PSMA6: variants seen among roughly 807,000 people sequenced by gnomAD.
PSMA6 encodes the protein proteasome subunit alpha type-6.
For missense variants in PSMA6, 170 were observed against 294.8 expected, an observed-to-expected ratio of 0.58 and a Z score of 3.10; for synonymous variants, 88 against 97.7, an observed-to-expected ratio of 0.90 and a Z score of 0.59.
At chr14:35,300,573 A>G (rs2051692529) in intron 1 of PSMA6, among the ~76,000 whole-genome samples, 1 of 152,156 alleles carries the variant, frequency 6.6e-6, no homozygotes, top group Admixed American at 6.5e-5. Context: ...AATTAAGGTA[A>G]TAAGAGAGAA....
rs774283020 is a variant in PSMA6 at position 35,278,669 on chromosome 14, C to T, written c.-31C>T. 23 of 1,534,950 alleles carry T rather than the reference C, an allele frequency of 1.5e-5. No individual in the cohort carries two copies. In the South Asian group the frequency reaches 2.0e-4, roughly 14 times the overall value. On this transcript the variant is annotated 5_prime_UTR_variant, in exon 1 of 7. Transcript: ENST00000540871. The stretch of plus-strand genomic sequence containing the variant: ...CTGGGAGAATGGGATGGAGCCTCCA[C>T]CTCATGAAGTAGCTTCCTTTGGAGG...
chr14:35,301,791 T>C (rs1464359773), intron 1 of PSMA6, among the ~76,000 whole-genome samples: 1 of 152,214 alleles, frequency 6.6e-6, no homozygotes, highest in Non-Finnish European at 1.5e-5. Flanking sequence ...GGGAAGATAC[T>C]CTTTTGTGGC....
chr14:35,282,391 C>T (rs1261031771), intron 1 of PSMA6, among the ~76,000 whole-genome samples: 2 of 151,582 alleles, frequency 1.3e-5, no homozygotes, highest in Non-Finnish European at 2.9e-5. Context: ...CACTCTACCA[C>T]CCCCAGATAA....
chr14:35,313,280 C>T (rs1046589492), intron 5 of PSMA6: 12 of 441,338 alleles, frequency 2.7e-5, no homozygotes, highest in East Asian at 4.2e-5. Context: ...TTCAACAAAA[C>T]GCATATAATA....
At chr14:35,293,489 C>G (rs1192183830) in intron 1 of PSMA6, among the ~76,000 whole-genome samples, 1 of 152,144 alleles carries the variant, frequency 6.6e-6, no homozygotes, top group Non-Finnish European at 1.5e-5. Context: ...TTTAGTGGCT[C>G]CGTGTCTTGC....
chr14:35,281,085 A>T (rs1233730526), intron 1 of PSMA6, among the ~76,000 whole-genome samples: 1 of 151,924 alleles, frequency 6.6e-6, no homozygotes, highest in East Asian at 1.9e-4. Flanking sequence ...GCCTCTATTG[A>T]CCTTTCCCAT....
upstream of PSMA6, among the ~76,000 whole-genome samples, chr14:35,287,725 A>G (rs1006184162): frequency 6.6e-6 from 1 of 152,218 alleles, no homozygotes; most frequent in Non-Finnish European, 1.5e-5. Context: ...GTCTAACTTG[A>G]TGGCCCCACA....
chr14:35,295,837 T>C (rs2051576384), intron 1 of PSMA6, among the ~76,000 whole-genome samples: 1 of 152,214 alleles, frequency 6.6e-6, no homozygotes, highest in South Asian at 2.1e-4. Context: ...CCTAGCTTTG[T>C]AATCTATTTT....
Position 35,292,648 on chromosome 14 carries a change from G to A in PSMA6, c.76+96G>A, listed in dbSNP as rs2051507502. The stretch of plus-strand genomic sequence containing the variant: ...CGCGGCCCGGGTTTAGTCTGGGGCC[G>A]AAGCTGGGCTGGAGCTGGGAAGGGA... On this transcript the variant is annotated intron_variant, in intron 1 of 6. Coordinates refer to ENST00000261479, the MANE Select transcript of PSMA6 (RefSeq NM_002791.3). 1.3e-5 allele frequency: 20 copies of A among 1,545,898 alleles called. No individual in the cohort carries two copies. In the Middle Eastern group the frequency reaches 2.6e-3, roughly 203 times the overall value.
At chr14:35,280,885 C>T (rs2051359578) in intron 1 of PSMA6, among the ~76,000 whole-genome samples, 1 of 152,202 alleles carries the variant, frequency 6.6e-6, no homozygotes, top group Admixed American at 6.5e-5. Context: ...CACCACCACA[C>T]ATACCTGATT....
chr14:35,308,522 G>C (rs2051876286), intron 2 of PSMA6: 1 of 193,104 alleles, frequency 5.2e-6, no homozygotes, highest in Non-Finnish European at 1.1e-5. Context: ...CTTTGACCCT[G>C]CTTTCCTGTC....
chr14:35,304,559 G>A (rs754335097), intron 1 of PSMA6, among the ~76,000 whole-genome samples: 9 of 151,872 alleles, frequency 5.9e-5, no homozygotes, highest in South Asian at 2.1e-4. Context: ...GCGAAACCTC[G>A]TCTCTACTAA....
intron 1 of PSMA6, 190 bp downstream of exon 1, chr14:35,292,742 G>A (rs1285895723): frequency 4.5e-6 from 5 of 1,122,932 alleles, no homozygotes; most frequent in Non-Finnish European, 6.2e-6. Context: ...TCGGGGGCCT[G>A]AAGGCCTGTC....
intron 4 of PSMA6, 39 bp from the exon 5 acceptor site, chr14:35,312,842 A>C: frequency 6.5e-7 from 1 of 1,532,636 alleles, no homozygotes. Context: ...GTCATTGTAT[A>C]AAGCTAAAAC....
chr14:35,297,240 G>A (rs1004188500), intron 1 of PSMA6, among the ~76,000 whole-genome samples: 7 of 143,630 alleles, frequency 4.9e-5, no homozygotes, highest in African/African-American at 1.8e-4. Context: ...GGGGGGGATT[G>A]AGTCTCGCTC....
chr14:35,278,766 A>AT, intron 1 of PSMA6: 1 of 1,519,460 alleles, frequency 6.6e-7, no homozygotes, highest in Non-Finnish European at 8.8e-7. Flanking sequence ...TATATTACTG[A>AT]TTCTTTGAAA....
At chr14:35,309,039 C>T in intron 3 of PSMA6, 44 bp downstream of exon 3, 2 of 1,331,188 alleles carry the variant, frequency 1.5e-6, no homozygotes, top group Non-Finnish European at 2.1e-6. Context: ...GATATACAAG[C>T]CTTTTGTTAT....
At position 35,308,060 on chromosome 14, in the gene PSMA6, C is replaced by T; in HGVS notation, c.143C>T (p.Ala48Val). ...TSVAVRGKDC[A>V]VIVTQKKVPD... ...GTAGCTGTCAGAGGGAAAGACTGTG[C>T]AGTAATTGTCACACAGAAGAAAGTA... The change falls in exon 2 of 7, where the codon GCA becomes GTA. Residue 48 changes from alanine (A) to valine (V), a missense_variant. By Grantham distance (64) the Ala-to-Val change is moderately conservative. Transcript: ENST00000261479. 5.0e-6 allele frequency: 8 copies of T among 1,613,850 alleles called. No individual in the cohort carries two copies. The highest frequency in any genetic ancestry group is 6.8e-6 in the Non-Finnish European group (8 of 1,179,850).
At position 35,285,091 on chromosome 14, in the gene PSMA6, A is replaced by C. The variant is rs548331809; in HGVS notation, c.19+6373A>C. On this transcript the variant is annotated intron_variant, in intron 1 of 6. Transcript: ENST00000540871. The stretch of plus-strand genomic sequence containing the variant: ...ACTGGAGTCAGGTGCGATGACTGTA[A>C]TCCCAGCACTTTGGGAGGCCGAGGC... Among the ~76,000 whole-genome samples the C allele has an allele frequency of 2.4e-4, 37 of 152,308 alleles. No homozygotes were observed. The South Asian group carries it at 3.7e-3, about 15-fold the overall frequency.
Sources: gnomAD v4.1 joint callset for allele counts (sites outside exome capture counted in the v4.1 genomes callset) on GRCh38, gnomAD v4.1.1 for gene constraint, MANE v1.5 for transcripts, NCBI Gene and HGNC (gene_info 2026-07-23, HGNC 2026-07-21) for gene names.